Variants in TNFRSF11A observed in about 807,000 individuals in gnomAD.
TNFRSF11A encodes TNF receptor superfamily member 11a.
Under a neutral mutation model 55.7 loss-of-function variants are expected in TNFRSF11A, and 32 were observed. The ratio of observed to expected loss-of-function variants is 0.57; its 90% CI spans 0.43 to 0.77. The LOEUF (loss-of-function observed/expected upper bound fraction) is 0.77, where lower values mean the gene tolerates loss of function less well. TNFRSF11A is among the 30% of genes least tolerant of loss of function. The probability of loss-of-function intolerance (pLI) is 0.00; values close to 1 mark genes in which losing one functional copy is unlikely to be tolerated. For missense variants in TNFRSF11A, 753 were observed against 809.8 expected, an observed-to-expected ratio of 0.93 and a Z score of 0.85; for synonymous variants, 311 against 331.0, an observed-to-expected ratio of 0.94 and a Z score of 0.65.
chr18:62,325,568 TG>T lies in TNFRSF11A; in HGVS notation c.75+145del. On this transcript the variant is annotated intron_variant, in intron 1 of 9. Transcript: ENST00000586569. This position sits in a 1 kb window ranked among gnomAD's most constrained non-coding sequence, Gnocchi z 4.7. ...TTGGGGAGCGGAGGCCGTGGGAAGC[TG>T]GGGAGGCGCTTCCAGAGTTGGACGG... is the stretch of plus-strand genomic sequence containing the variant. 5.4e-6 allele frequency: 2 copies of T among 371,370 alleles called. No homozygotes were observed. Among genetic ancestry groups the T allele is most frequent in the Non-Finnish European group, 7.6e-6 (2 of 261,616 alleles). The allele number at this position is 371,370 out of a possible 1,614,324, so 23.0% of individuals were successfully genotyped here.
At chr18:62,345,557 T>G (rs2046370688) in intron 1 of TNFRSF11A, among the ~76,000 whole-genome samples, 2 of 152,208 alleles carry the variant, frequency 1.3e-5, no homozygotes, top group Non-Finnish European at 2.9e-5. Flanking sequence ...TGCTGCTGCT[T>G]AAAAGATCTG....
chr18:62,359,567 C>G lies in TNFRSF11A; in HGVS notation c.522-388C>G, dbSNP rs375699146. On this transcript the variant is annotated intron_variant, in intron 5 of 9. Coordinates refer to ENST00000586569, the MANE Select transcript of TNFRSF11A (RefSeq NM_003839.4). ...CTGATTTTTAAATTTTTTGTAGAGA[C>G]AGGGTTTCACCATGTTGCCCAGGCT... Among the ~76,000 whole-genome samples, 22 of 152,184 alleles carry G rather than the reference C, an allele frequency of 1.4e-4. No homozygotes were observed. In the East Asian group the frequency reaches 2.5e-3, roughly 17 times the overall value.
chr18:62,334,424 T>A (rs1243721845), intron 1 of TNFRSF11A, among the ~76,000 whole-genome samples: 2 of 152,090 alleles, frequency 1.3e-5, no homozygotes, highest in African/African-American at 4.8e-5. Context: ...GAGGGTCGCA[T>A]CTCTCCACGC....
In TNFRSF11A at chr18:62,391,138, A is replaced by T. The variant is rs1187323473; in HGVS notation, c.*6104A>T. On this transcript the variant is annotated 3_prime_UTR_variant, in exon 10 of 10. Coordinates refer to ENST00000586569, the MANE Select transcript of TNFRSF11A (RefSeq NM_003839.4). ...AGCCATTTGAGTCTGGCTTCTTTCC[A>T]CATAATGTCCTTGAGATCCATCGGT... is the stretch of plus-strand genomic sequence containing the variant. 1.3e-5 allele frequency: 2 copies of T among 152,176 alleles called. No individual in the cohort carries two copies. The highest frequency in any genetic ancestry group is 2.4e-5 in the African/African-American group (1 of 41,426). 9.4% of individuals were successfully genotyped at this position (152,176 alleles called of 1,614,324 possible).
chr18:62,369,431 C>T lies in TNFRSF11A; in HGVS notation c.1514C>T (p.Ala505Val), dbSNP rs761595131. 4.3e-5 allele frequency: 69 copies of T among 1,610,744 alleles called. No individual in the cohort carries two copies. The highest frequency in any genetic ancestry group is 5.5e-5 in the Non-Finnish European group (65 of 1,180,024). Residue 505 changes from alanine (A) to valine (V), a missense_variant, in exon 9 of 10, where the codon GCG becomes GTG. Around this residue, in one of 3 missense-constraint regions of TNFRSF11A, gnomAD observed 567 missense variants for 596.7 expected, o/e 0.95. Transcript: ENST00000586569. ...GCTGATGGGAGGCTCCCAAGCTCAG[C>T]GAGGGCAGGTGCCGGGTCTGGAAGC... ...DGADGRLPSS[A>V]RAGAGSGSSP... is the part of the protein sequence containing the mutation.
At chr18:62,329,284 GC>G (rs1319148301) in intron 1 of TNFRSF11A, among the ~76,000 whole-genome samples, 1 of 152,150 alleles carries the variant, frequency 6.6e-6, no homozygotes, top group Non-Finnish European at 1.5e-5. Flanking sequence ...TAGGGCATCT[GC>G]CCCCTGGCCA....
rs1291040698 is a variant in TNFRSF11A, at chr18:62,385,855, T to G, written c.*821T>G. On this transcript the variant is annotated 3_prime_UTR_variant, in exon 10 of 10. Transcript: ENST00000586569. ...AGATGGCTTTCCCAGTGTGTGTTCA[T>G]TGTAAACACTTTTGGGAAAGGGCTA... is the stretch of plus-strand genomic sequence containing the variant. The G allele has an allele frequency of 1.3e-5, 2 of 152,214 alleles. No individual in the cohort carries two copies. Among genetic ancestry groups the G allele is most frequent in the Non-Finnish European group, 2.9e-5 (2 of 68,044 alleles). The allele number at this position is 152,214 out of a possible 1,614,324, so 9.4% of individuals were successfully genotyped here. A position where few individuals can be genotyped will look rare whatever the true frequency, so the allele number is the denominator to read the frequency against.
At chr18:62,355,973 G>A (rs1299162851) in intron 4 of TNFRSF11A, among the ~76,000 whole-genome samples, 1 of 152,208 alleles carries the variant, frequency 6.6e-6, no homozygotes, top group Non-Finnish European at 1.5e-5. Flanking sequence ...ACCTACTGAT[G>A]TGATATCAGA....
At chr18:62,347,367 A>T (rs1410653266) in intron 1 of TNFRSF11A, among the ~76,000 whole-genome samples, 1 of 152,180 alleles carries the variant, frequency 6.6e-6, no homozygotes, top group African/African-American at 2.4e-5. Context: ...TGGCAAACTG[A>T]TAAGAATCTC....
chr18:62,344,262 T>G (rs1266355187), intron 1 of TNFRSF11A, among the ~76,000 whole-genome samples: 1 of 152,224 alleles, frequency 6.6e-6, no homozygotes, highest in African/African-American at 2.4e-5. Flanking sequence ...AAATAAAAAT[T>G]TAAAAGTATT....
intron 1 of TNFRSF11A, among the ~76,000 whole-genome samples, chr18:62,327,253 G>A (rs1402467902): frequency 6.6e-6 from 1 of 152,170 alleles, no homozygotes; most frequent in Non-Finnish European, 1.5e-5. Flanking sequence ...CCACGGCGGA[G>A]ATTTGAGACA....
rs1167447471 is a variant in TNFRSF11A, at chr18:62,328,337, G to T, written c.75+2910G>T. ...GGAAACCAGAGGTCAGGGAAGAAAT[G>T]ATTCTAGGAGGTGGGAAGAAAGCTC... is the stretch of plus-strand genomic sequence containing the variant. On this transcript the variant is annotated intron_variant, in intron 1 of 9. Coordinates refer to ENST00000586569, the MANE Select transcript of TNFRSF11A (RefSeq NM_003839.4). 6.6e-5 allele frequency among the ~76,000 whole-genome samples: 10 copies of T among 151,964 alleles called. 1 individual carries two copies. In the East Asian group the frequency reaches 1.2e-3, roughly 18 times the overall value.
chr18:62,360,803 T>C (rs1364257879), intron 6 of TNFRSF11A, among the ~76,000 whole-genome samples: 2 of 152,172 alleles, frequency 1.3e-5, no homozygotes, highest in East Asian at 3.8e-4. Context: ...TGGTGGAGGC[T>C]GGTTACTTGG....
intron 7 of TNFRSF11A, among the ~76,000 whole-genome samples, chr18:62,366,265 C>T (rs954628989): frequency 5.9e-5 from 9 of 152,154 alleles, no homozygotes; most frequent in African/African-American, 2.2e-4. Flanking sequence ...AAATAAAAAT[C>T]TAGAATGATT....
At chr18:62,370,825 CTTTTCTTTTCTT>C (rs1231807916) in intron 9 of TNFRSF11A, among the ~76,000 whole-genome samples, 6 of 93,950 alleles carry the variant, frequency 6.4e-5, no homozygotes, top group South Asian at 6.4e-4. Context: ...CTTTTCTTTT[CTTTTCTTTTCTT>C]TTTTTTTTTT....
intron 1 of TNFRSF11A, among the ~76,000 whole-genome samples, chr18:62,339,544 C>T (rs758388881): frequency 6.6e-6 from 1 of 152,158 alleles, no homozygotes; most frequent in Non-Finnish European, 1.5e-5. Flanking sequence ...AGTTTTCCTT[C>T]CTCTCTATAT....
In TNFRSF11A at chr18:62,369,497, C is replaced by T. The variant is rs1910372680; in HGVS notation, c.1567+13C>T. 8 of 1,602,846 alleles carry T rather than the reference C, an allele frequency of 5.0e-6. No individual in the cohort carries two copies. In the East Asian group the frequency reaches 1.8e-4, roughly 36 times the overall value. On this transcript the variant is annotated intron_variant, in intron 9 of 9. Transcript: ENST00000586569. Reference sequence around the variant, plus strand: ...TCCCCTGCATCTGGTAAGTGACTTCCCAGTCTCTCACTTCTGAGCAGAAGG... The same window carrying T: ...TCCCCTGCATCTGGTAAGTGACTTCTCAGTCTCTCACTTCTGAGCAGAAGG...
At chr18:62,363,478 C>T (rs1909848297) in intron 7 of TNFRSF11A, among the ~76,000 whole-genome samples, 1 of 150,042 alleles carries the variant, frequency 6.7e-6, no homozygotes, top group Admixed American at 6.7e-5. Flanking sequence ...CAGCGATTCT[C>T]CTCCCTCAGC....
intron 3 of TNFRSF11A, among the ~76,000 whole-genome samples, chr18:62,351,578 G>T (rs923580743): frequency 6.6e-6 from 1 of 152,076 alleles, no homozygotes; most frequent in Non-Finnish European, 1.5e-5. Flanking sequence ...TTTATTAGCT[G>T]GCATGCTTTA....
Sources: gnomAD v4.1 joint callset for allele counts (sites outside exome capture counted in the v4.1 genomes callset) on GRCh38, gnomAD v4.1.1 for gene constraint, gnomAD v4.1.1 regional missense constraint, Gnocchi (gnomAD v3.1) non-coding constraint, MANE v1.5 for transcripts, NCBI Gene and HGNC (gene_info 2026-07-23, HGNC 2026-07-21) for gene names.